Variants in FAF1 observed in about 807,000 individuals in gnomAD.
FAF1 encodes the protein FAS-associated factor 1.
FAF1 carries 25 observed loss-of-function variants against 92.5 expected under a neutral mutation model. The observed-to-expected ratio is 0.27, with a 90% CI of 0.20 to 0.38. FAF1 has a LOEUF of 0.38. Ranked by LOEUF, FAF1 falls within the 10% of genes least tolerant of loss-of-function variation. The pLI is 1.00. For synonymous variants in FAF1, 234 were observed against 273.2 expected (o/e 0.86, Z 1.42); for missense variants, 636 against 793.3 (o/e 0.80, Z 2.38).
chr1:50,824,542 T>C (rs1414142969), intron 2 of FAF1, among the ~76,000 whole-genome samples: 3 of 152,116 alleles, frequency 2.0e-5, no homozygotes, highest in Non-Finnish European at 4.4e-5. Context: ...ACAACTACTA[T>C]GGAAAACAAT....
chr1:50,543,932 C>T (rs893128081), intron 13 of FAF1, among the ~76,000 whole-genome samples: 25 of 151,954 alleles, frequency 1.6e-4, no homozygotes, highest in East Asian at 7.7e-4. Flanking sequence ...CATAATATGG[C>T]GAAAGGTCAA....
chr1:50,787,414 AG>A (rs906199519), intron 4 of FAF1, among the ~76,000 whole-genome samples: 15 of 152,170 alleles, frequency 9.9e-5, no homozygotes, highest in African/African-American at 3.6e-4. Context: ...AGTTTGATGA[AG>A]GGAGTCTGTC....
At chr1:50,729,747 G>A (rs1658839145) in intron 6 of FAF1, among the ~76,000 whole-genome samples, 1 of 151,858 alleles carries the variant, frequency 6.6e-6, no homozygotes, top group Non-Finnish European at 1.5e-5. Flanking sequence ...GATAGGCCAG[G>A]TGTGGTGGCT....
At chr1:50,523,129 T>C (rs981946494) in intron 15 of FAF1, among the ~76,000 whole-genome samples, 2 of 152,210 alleles carry the variant, frequency 1.3e-5, no homozygotes, top group African/African-American at 2.4e-5. Context: ...TAATATTCCA[T>C]TGTATGGATA....
At chr1:50,600,851 AT>A (rs1293544043) in intron 8 of FAF1, among the ~76,000 whole-genome samples, 1 of 152,210 alleles carries the variant, frequency 6.6e-6, no homozygotes, top group Non-Finnish European at 1.5e-5. Flanking sequence ...ATTACTTTGT[AT>A]AAAAATGCTA....
At chr1:50,531,532 C>T (rs1648170498) in intron 15 of FAF1, among the ~76,000 whole-genome samples, 2 of 152,160 alleles carry the variant, frequency 1.3e-5, no homozygotes, top group East Asian at 1.9e-4. Flanking sequence ...TGTAGTAATA[C>T]TTGTTTTCCT....
At chr1:50,847,433 A>G (rs1644311471) in intron 2 of FAF1, among the ~76,000 whole-genome samples, 1 of 151,958 alleles carries the variant, frequency 6.6e-6, no homozygotes, top group African/African-American at 2.4e-5. Flanking sequence ...AAAAAAAAAA[A>G]AACAGTAACA....
Position 50,959,884 on chromosome 1 carries a change from T to TCGC in FAF1, c.-76_-74dup, listed in dbSNP as rs1553154696. On this transcript the variant is annotated 5_prime_UTR_variant, in exon 1 of 19. Coordinates refer to ENST00000396153, the MANE Select transcript of FAF1 (RefSeq NM_007051.3). Reference sequence around the variant, plus strand: ...AGGCAGACGGCACCTCCTGCGACCGTCGCCGCCACCGCCGCCGCCGCCGCC... The same window carrying TCGC: ...AGGCAGACGGCACCTCCTGCGACCGTCGCCGCCGCCACCGCCGCCGCCGCCGCC... 9.1e-7 allele frequency: 1 copy of TCGC among 1,103,466 alleles called. No homozygotes were observed. Among genetic ancestry groups the TCGC allele is most frequent in the Non-Finnish European group, 1.2e-6 (1 of 853,886 alleles). The allele number at this position is 1,103,466 out of a possible 1,614,324, so 68.4% of individuals were successfully genotyped here.
chr1:50,466,880 C>CT (rs1646503414), intron 18 of FAF1, among the ~76,000 whole-genome samples: 1 of 152,194 alleles, frequency 6.6e-6, no homozygotes, highest in Non-Finnish European at 1.5e-5. Flanking sequence ...AACATTAGAC[C>CT]TTTTTCCTCA....
At chr1:50,683,788 C>T (rs1043249110) in intron 7 of FAF1, among the ~76,000 whole-genome samples, 7 of 151,522 alleles carry the variant, frequency 4.6e-5, no homozygotes, top group African/African-American at 7.3e-5. Context: ...CAAAATTAGC[C>T]GGGTGTGGTG....
intron 1 of FAF1, among the ~76,000 whole-genome samples, chr1:50,864,678 C>T (rs867190643): frequency 3.0e-4 from 45 of 151,894 alleles, no homozygotes; most frequent in African/African-American, 1.0e-3. Flanking sequence ...ACACCTTATA[C>T]AAAAATCAAT....
intron 13 of FAF1, among the ~76,000 whole-genome samples, chr1:50,542,759 C>A (rs1410594197): frequency 6.6e-6 from 1 of 152,174 alleles, no homozygotes; most frequent in Non-Finnish European, 1.5e-5. Flanking sequence ...AATTGAACAG[C>A]CTGCCCATCA....
chr1:50,585,160 C>T (rs923366019), intron 9 of FAF1, among the ~76,000 whole-genome samples: 1 of 152,052 alleles, frequency 6.6e-6, no homozygotes, highest in Non-Finnish European at 1.5e-5. Flanking sequence ...GTAAGTTATG[C>T]GTCTCTCAAA....
chr1:50,770,907 A>C (rs1660753497), intron 4 of FAF1, among the ~76,000 whole-genome samples: 1 of 152,202 alleles, frequency 6.6e-6, no homozygotes, highest in Non-Finnish European at 1.5e-5. Flanking sequence ...TGGTATAAAA[A>C]CAGACACACA....
At chr1:50,558,981 A>C (rs1185033730) in intron 13 of FAF1, among the ~76,000 whole-genome samples, 1 of 152,152 alleles carries the variant, frequency 6.6e-6, no homozygotes, top group Non-Finnish European at 1.5e-5. Context: ...CCGGACGAGG[A>C]GGCTCATGCC....
intron 15 of FAF1, among the ~76,000 whole-genome samples, chr1:50,495,367 T>C (rs562365276): frequency 1.3e-5 from 2 of 152,366 alleles, no homozygotes; most frequent in African/African-American, 4.8e-5. Flanking sequence ...GTGACGTTTG[T>C]AGTTCTGTGC....
intron 9 of FAF1, among the ~76,000 whole-genome samples, chr1:50,586,081 T>TAGAGGGAATGTC (rs1553229595): frequency 6.6e-6 from 1 of 151,886 alleles, no homozygotes; most frequent in East Asian, 1.9e-4. Context: ...AAAATTTAGC[T>TAGAGGGAATGTC]AGAGGGAATG....
intron 4 of FAF1, among the ~76,000 whole-genome samples, chr1:50,772,964 G>A (rs1017812754): frequency 1.3e-5 from 2 of 152,144 alleles, no homozygotes; most frequent in Non-Finnish European, 2.9e-5. Flanking sequence ...AACAAGAAAT[G>A]ATTTAATGGC....
intron 7 of FAF1, among the ~76,000 whole-genome samples, chr1:50,679,036 G>A (rs1029287497): frequency 1.2e-4 from 18 of 152,272 alleles, no homozygotes; most frequent in African/African-American, 4.1e-4. Context: ...GCAGTAAGCC[G>A]AGATGGTGCC....
Sources: gnomAD v4.1 joint callset for allele counts (sites outside exome capture counted in the v4.1 genomes callset) on GRCh38, gnomAD v4.1.1 for gene constraint, MANE v1.5 for transcripts, NCBI Gene and HGNC (gene_info 2026-07-23, HGNC 2026-07-21) for gene names.